Variants in ZFAT observed in about 807,000 individuals in gnomAD.
The protein encoded by ZFAT is zinc finger and AT-hook domain containing.
A neutral mutation model predicts 117.7 loss-of-function variants in ZFAT; 64 were observed. The ratio of observed to expected loss-of-function variants is 0.54; its 90% CI spans 0.44 to 0.67. ZFAT has a LOEUF of 0.67. Ranked by LOEUF, ZFAT falls within the 30% of genes least tolerant of loss-of-function variation. The pLI is 0.00. For missense variants in ZFAT, 1,433 were observed against 1,584.5 expected (o/e 0.90, Z 1.62); for synonymous variants, 679 against 615.0 (o/e 1.10, Z -1.54).
chr8:134,671,650 C>T (rs937530496), intron 1 of ZFAT, among the ~76,000 whole-genome samples: 4 of 152,326 alleles, frequency 2.6e-5, no homozygotes, highest in African/African-American at 4.8e-5. Flanking sequence ...CAATATCATA[C>T]TGAATGGGCA....
chr8:134,827,478 C>G, the ZFAT span, among the ~76,000 whole-genome samples: 1 of 152,078 alleles, frequency 6.6e-6, no homozygotes, highest in African/African-American at 2.4e-5. Flanking sequence ...CTTAAGAAAT[C>G]TAGTAAATTG....
the ZFAT span, among the ~76,000 whole-genome samples, chr8:134,734,586 AGAG>A: frequency 9.1e-4 from 138 of 152,302 alleles, no homozygotes; most frequent in African/African-American, 3.2e-3. Flanking sequence ...GTGCAGTAAA[AGAG>A]GGGTGGGCAG....
chr8:134,566,668 C>T (rs1239559896), intron 10 of ZFAT, among the ~76,000 whole-genome samples: 1 of 152,236 alleles, frequency 6.6e-6, no homozygotes, highest in Admixed American at 6.5e-5. Flanking sequence ...CCCAGAAGTG[C>T]TGGCTCCTCC....
intron 11 of ZFAT, among the ~76,000 whole-genome samples, chr8:134,561,066 T>C (rs1824014217): frequency 6.6e-6 from 1 of 152,234 alleles, no homozygotes; most frequent in Non-Finnish European, 1.5e-5. Context: ...TCACCCAACG[T>C]TTTATAGCTA....
chr8:134,514,762 C>T (rs1414241753), intron 13 of ZFAT, among the ~76,000 whole-genome samples: 1 of 152,148 alleles, frequency 6.6e-6, no homozygotes, highest in Non-Finnish European at 1.5e-5. Context: ...TCTAATAAAC[C>T]TCCATGTGTC....
At chr8:134,819,530 G>A in the ZFAT span, among the ~76,000 whole-genome samples, 1 of 83,642 alleles carries the variant, frequency 1.2e-5, no homozygotes, top group African/African-American at 4.8e-5. Flanking sequence ...CACCACAAAA[G>A]CTCTGATTAA....
At chr8:134,707,522 G>C (rs1013024311) in intron 1 of ZFAT, among the ~76,000 whole-genome samples, 8 of 152,186 alleles carry the variant, frequency 5.3e-5, no homozygotes, top group African/African-American at 1.9e-4. Context: ...GACACAAGGA[G>C]AATATCTAAC....
chr8:134,590,505 CCAT>C (rs1466478849), intron 7 of ZFAT, 150 bp from the exon 8 acceptor site: 13 of 614,556 alleles, frequency 2.1e-5, no homozygotes, highest in Admixed American at 7.7e-5. Flanking sequence ...CATCACATCA[CCAT>C]CATCAATACC....
At chr8:134,588,556 C>T (rs936773681) in intron 8 of ZFAT, among the ~76,000 whole-genome samples, 161 bp from the exon 9 acceptor site, 1 of 152,156 alleles carries the variant, frequency 6.6e-6, no homozygotes, top group Non-Finnish European at 1.5e-5. Flanking sequence ...AGAACCAAAT[C>T]GAGTCTCAGA....
chr8:134,748,648 T>A, the ZFAT span, among the ~76,000 whole-genome samples: 111 of 152,346 alleles, frequency 7.3e-4, 1 homozygote, highest in African/African-American at 2.6e-3. Flanking sequence ...GACACTGTTC[T>A]CCACAGCAGG....
rs1021563608 is a variant in ZFAT at position 134,676,280 on chromosome 8, C to T, written c.20-18543G>A. ...CAAAAAAAAAAAAAAAAAAAAAAAT[C>T]CCAGGGGTTGCAATCCTAGTCTCTG... On this transcript the variant is annotated intron_variant, in intron 1 of 15. Transcript: ENST00000377838. 3.0e-5 allele frequency among the ~76,000 whole-genome samples: 4 copies of T among 133,158 alleles called. No homozygotes were observed. The Admixed American group carries it at 3.1e-4, about 10-fold the overall frequency. The allele number at this position is 133,158 out of a possible 152,430, so 87.4% of individuals were successfully genotyped here. A position where few individuals can be genotyped will look rare whatever the true frequency, so the allele number is the denominator to read the frequency against.
At chr8:134,758,698 G>A in the ZFAT span, among the ~76,000 whole-genome samples, 34 of 152,352 alleles carry the variant, frequency 2.2e-4, no homozygotes, top group Admixed American at 7.8e-4. Context: ...ACTTATCAGC[G>A]AATGTGTTCT....
intron 15 of ZFAT, among the ~76,000 whole-genome samples, chr8:134,494,376 G>A (rs1818275940): frequency 6.6e-6 from 1 of 152,092 alleles, no homozygotes; most frequent in East Asian, 1.9e-4. Context: ...AAGGGCAGCA[G>A]GTGCTCGATA....
chr8:134,771,617 G>A, the ZFAT span, among the ~76,000 whole-genome samples: 1 of 152,152 alleles, frequency 6.6e-6, no homozygotes, highest in African/African-American at 2.4e-5. Flanking sequence ...TCTCTAAGAA[G>A]TTCCAAACTT....
the ZFAT span, among the ~76,000 whole-genome samples, chr8:134,776,934 T>C: frequency 4.6e-5 from 7 of 152,294 alleles, no homozygotes; most frequent in Admixed American, 2.6e-4. Context: ...TCTCAAGATA[T>C]GAGAAGAAAC....
chr8:134,718,962 G>T, the ZFAT span, among the ~76,000 whole-genome samples: 1 of 152,200 alleles, frequency 6.6e-6, no homozygotes, highest in South Asian at 2.1e-4. Context: ...CCCGGGGTGT[G>T]CTCTGCAGTG....
chr8:134,718,269 C>G, the ZFAT span, among the ~76,000 whole-genome samples: 1 of 152,024 alleles, frequency 6.6e-6, no homozygotes, highest in South Asian at 2.1e-4. Flanking sequence ...GAGGCCGAGG[C>G]AGGAGGATCA....
the ZFAT span, chr8:134,785,589 G>A: frequency 6.7e-6 from 1 of 149,990 alleles, no homozygotes; most frequent in Non-Finnish European, 1.5e-5. Context: ...ATACAGACAT[G>A]CAATTGTCCT....
At chr8:134,622,034 G>A (rs1051672679) in intron 3 of ZFAT, among the ~76,000 whole-genome samples, 3 of 152,242 alleles carry the variant, frequency 2.0e-5, no homozygotes, top group African/African-American at 7.2e-5. Flanking sequence ...AACAGATGCA[G>A]AACCTTCTCA....
Sources: gnomAD v4.1 joint callset for allele counts (sites outside exome capture counted in the v4.1 genomes callset) on GRCh38, gnomAD v4.1.1 for gene constraint, MANE v1.5 for transcripts, NCBI Gene and HGNC (gene_info 2026-07-23, HGNC 2026-07-21) for gene names.